Variants in FAT4 observed in about 807,000 individuals in gnomAD.
FAT4 encodes protocadherin Fat 4.
In FAT4, 84 loss-of-function variants were observed where a neutral mutation model predicts 303.9. That is an observed-to-expected ratio of 0.28 (90% CI 0.23 to 0.33). The LOEUF (loss-of-function observed/expected upper bound fraction) is 0.33. Among genes scored for constraint, FAT4 ranks in the 10% least tolerant of loss-of-function variants. FAT4 has a pLI of 1.00. For synonymous variants in FAT4, 2,307 were observed against 2,298.8 expected, an observed-to-expected ratio of 1.00 and a Z score of -0.10; for missense variants, 6,005 against 6,146.8, an observed-to-expected ratio of 0.98 and a Z score of 0.77.
chr4:125,376,391 C>T (rs2125995243), intron 2 of FAT4, among the ~76,000 whole-genome samples: 1 of 152,168 alleles, frequency 6.6e-6, no homozygotes, highest in South Asian at 2.1e-4. Context: ...AATGAGAACA[C>T]TTGGACACAG....
intron 3 of FAT4, among the ~76,000 whole-genome samples, chr4:125,400,454 C>A (rs143218974): frequency 3.2e-3 from 483 of 152,062 alleles, no homozygotes; most frequent in Non-Finnish European, 5.7e-3. Flanking sequence ...CCAATATTTT[C>A]TCTTTAAGAA....
intron 14 of FAT4, among the ~76,000 whole-genome samples, chr4:125,479,402 G>A (rs1441931263): frequency 6.6e-6 from 1 of 152,086 alleles, no homozygotes; most frequent in African/African-American, 2.4e-5. Context: ...ATAGACATGT[G>A]TCAAAAAATA....
chr4:125,386,861 C>A (rs2126003218), intron 2 of FAT4, among the ~76,000 whole-genome samples: 1 of 152,188 alleles, frequency 6.6e-6, no homozygotes, highest in South Asian at 2.1e-4. Context: ...CCAGTGGTCC[C>A]CAAACTTTTT....
intron 12 of FAT4, among the ~76,000 whole-genome samples, chr4:125,474,159 C>T (rs1226959853): frequency 6.6e-6 from 1 of 151,978 alleles, no homozygotes; most frequent in East Asian, 1.9e-4. Context: ...TGAGTTGTAT[C>T]AGCAAGCTTT....
chr4:125,329,445 T>A (rs1369243408), intron 2 of FAT4, among the ~76,000 whole-genome samples: 3 of 152,232 alleles, frequency 2.0e-5, no homozygotes. Flanking sequence ...TTTTTACCCT[T>A]TTTTATTTCT....
At chr4:125,401,241 T>C (rs1734376948) in intron 3 of FAT4, among the ~76,000 whole-genome samples, 1 of 152,076 alleles carries the variant, frequency 6.6e-6, no homozygotes, top group Non-Finnish European at 1.5e-5. Context: ...TTTGGTTTCA[T>C]ATTAAGTAGA....
intron 10 of FAT4, among the ~76,000 whole-genome samples, chr4:125,457,345 C>G (rs1413829363): frequency 6.6e-6 from 1 of 151,660 alleles, no homozygotes; most frequent in Non-Finnish European, 1.5e-5. Flanking sequence ...AATCATGGAA[C>G]AAAAAATAGG....
At chr4:125,413,546 T>G (rs1489559211) in intron 5 of FAT4, among the ~76,000 whole-genome samples, 11 of 149,440 alleles carry the variant, frequency 7.4e-5, no homozygotes. Context: ...CATAAATATT[T>G]TTCCCATGTT....
chr4:125,450,485 T>C lies in FAT4; in HGVS notation c.9475T>C (p.Cys3159Arg), dbSNP rs941009011. Reference sequence around the variant, plus strand: ...AGCCAAAGCTCTTGATTATGAGCTATGCCAGAAACACGAAATGACGATTAG... The same window carrying C: ...AGCCAAAGCTCTTGATTATGAGCTACGCCAGAAACACGAAATGACGATTAG... ...TLAKALDYEL[C>R]QKHEMTISAI... The change falls in exon 10 of 18, where the codon TGC becomes CGC. Residue 3159 changes from cysteine to arginine, a missense_variant. Coordinates refer to ENST00000394329, the MANE Select transcript of FAT4 (RefSeq NM_001291303.3). 9.9e-6 allele frequency: 16 copies of C among 1,614,160 alleles called. 1 individual carries two copies. Among genetic ancestry groups the C allele is most frequent in the Middle Eastern group, 1.7e-4 (1 of 6,060 alleles).
chr4:125,320,309 A>G lies in FAT4; in HGVS notation c.3898A>G (p.Thr1300Ala). The G allele has an allele frequency of 6.2e-7, 1 of 1,613,332 alleles. No homozygotes were observed. The highest frequency in any genetic ancestry group is 8.5e-7 in the Non-Finnish European group (1 of 1,179,288). The change falls in exon 2 of 18, where the codon ACT becomes GCT. Residue 1300 changes from threonine (T) to alanine (A), a missense_variant. By Grantham distance (58) the Thr-to-Ala change is moderately conservative. Coordinates refer to ENST00000394329, the MANE Select transcript of FAT4 (RefSeq NM_001291303.3). ...GACAATCCCCCTCAATTCAACGTGT[A>G]CTTTAAATATTGATATTTTAGATGA... ...SGTIPLNSTCTLNIDILDEND... is the reference protein window; with the variant it reads ...SGTIPLNSTCALNIDILDEND...
intron 7 of FAT4, among the ~76,000 whole-genome samples, chr4:125,422,872 G>C (rs1487726259): frequency 6.6e-6 from 1 of 152,176 alleles, no homozygotes; most frequent in Admixed American, 6.5e-5. Context: ...TGACCAAAAT[G>C]CTGAGGTGTT....
rs1727606711 is a variant in FAT4, at chr4:125,490,845, C to G, written c.14029C>G (p.Gln4677Glu). 2 of 1,614,036 alleles carry G rather than the reference C, an allele frequency of 1.2e-6. No homozygotes were observed. The highest frequency in any genetic ancestry group is 1.3e-5 in the African/African-American group (1 of 74,918). ...MPLGASSLTYQPSYGQGLRTS... is the reference protein window; with the variant it reads ...MPLGASSLTYEPSYGQGLRTS... ...CTTAGGAGCAAGCAGTTTGACTTACCAGCCTTCATATGGTCAAGGTTTGAG... is the reference window on the plus strand; with the variant it reads ...CTTAGGAGCAAGCAGTTTGACTTACGAGCCTTCATATGGTCAAGGTTTGAG... Residue 4677 changes from glutamine (Q) to glutamate (E), a missense_variant, in exon 18 of 18, where the codon CAG (glutamine) becomes GAG (glutamate). Coordinates refer to ENST00000394329, the MANE Select transcript of FAT4 (RefSeq NM_001291303.3).
At chr4:125,444,502 A>G (rs1725760817) in intron 8 of FAT4, among the ~76,000 whole-genome samples, 1 of 152,124 alleles carries the variant, frequency 6.6e-6, no homozygotes. Flanking sequence ...TTGTTACAAC[A>G]CTGTTACAAT....
chr4:125,426,124 C>T (rs1301476378), intron 7 of FAT4, among the ~76,000 whole-genome samples: 1 of 151,976 alleles, frequency 6.6e-6, no homozygotes, highest in African/African-American at 2.4e-5. Flanking sequence ...CTGGTCATTG[C>T]ATTATAAATG....
At chr4:125,434,221 G>C in intron 7 of FAT4, 24 bp from the exon 8 acceptor site, 1 of 1,600,744 alleles carries the variant, frequency 6.2e-7, no homozygotes, top group Non-Finnish European at 8.5e-7. Flanking sequence ...TAAACATTGA[G>C]ACTTGATTTT....
chr4:125,412,458 T>G (rs935247763), intron 5 of FAT4, among the ~76,000 whole-genome samples: 4 of 151,944 alleles, frequency 2.6e-5, no homozygotes, highest in African/African-American at 7.2e-5. Context: ...TGTTACTTAA[T>G]ATATTTGTCA....
intron 10 of FAT4, among the ~76,000 whole-genome samples, chr4:125,453,727 G>A (rs1481891058): frequency 6.6e-6 from 1 of 151,128 alleles, no homozygotes; most frequent in Non-Finnish European, 1.5e-5. Flanking sequence ...AAAATGGTGT[G>A]TTATTCCTAA....
intron 2 of FAT4, among the ~76,000 whole-genome samples, chr4:125,330,491 T>C (rs1432076155): frequency 1.3e-5 from 2 of 152,240 alleles, no homozygotes; most frequent in African/African-American, 4.8e-5. Flanking sequence ...ATATAAAATA[T>C]GAACACTATA....
intron 2 of FAT4, among the ~76,000 whole-genome samples, chr4:125,367,023 G>T (rs1451647616): frequency 6.6e-6 from 1 of 151,964 alleles, no homozygotes; most frequent in Admixed American, 6.6e-5. Context: ...TGCATAGTTT[G>T]CAAATTTTTT....
Sources: allele counts gnomAD v4.1 joint callset (sites outside exome capture counted in the v4.1 genomes callset), GRCh38; gene constraint gnomAD v4.1.1; transcripts MANE v1.5; gene names NCBI Gene and HGNC (gene_info 2026-07-23, HGNC 2026-07-21).